The following CFAP36 variants were observed in gnomAD, a reference collection of about 807,000 sequenced individuals.
CFAP36 encodes cilia and flagella associated protein 36, also known as cilia- and flagella-associated protein 36.
In CFAP36, 37 loss-of-function variants were observed where a neutral mutation model predicts 50.5. That is an observed-to-expected ratio of 0.73 (90% confidence interval 0.56 to 0.96). CFAP36 has a LOEUF of 0.96. CFAP36 is among the 50% of genes least tolerant of loss of function. CFAP36 has a pLI of 0.00. For missense variants in CFAP36, 407 were observed against 396.2 expected, an observed-to-expected ratio of 1.03 and a Z score of -0.23; for synonymous variants, 138 against 128.2, an observed-to-expected ratio of 1.08 and a Z score of -0.52.
Position 55,544,229 on chromosome 2 carries a change from G to C in CFAP36, c.787G>C (p.Val263Leu). The change falls in exon 9 of 10, where the codon GTA becomes CTA. Residue 263 changes from valine to leucine, a missense_variant. Coordinates refer to ENST00000349456, the MANE Select transcript of CFAP36 (RefSeq NM_080667.7). Reference protein sequence around the residue: ...SIEGPIANLSVLGTEELRQRE... With the variant: ...SIEGPIANLSLLGTEELRQRE... ...TTCTTACTTGACCCAGAACTTATCA[G>C]TACTTGGAACAGAAGAACTTCGGCA... 6.2e-7 allele frequency: 1 copy of C among 1,613,070 alleles called. No homozygotes were observed. The highest frequency in any genetic ancestry group is 8.5e-7 in the Non-Finnish European group (1 of 1,179,774).
intron 5 of CFAP36, among the ~76,000 whole-genome samples, chr2:55,535,500 A>AT (rs1277736952): frequency 6.6e-6 from 1 of 152,140 alleles, no homozygotes; most frequent in Admixed American, 6.5e-5. Flanking sequence ...GTAGACCTGT[A>AT]TTTTGTGTTA....
chr2:55,526,467 A>ATTTGTTT (rs1558908054), intron 3 of CFAP36, among the ~76,000 whole-genome samples: 1 of 152,022 alleles, frequency 6.6e-6, no homozygotes, highest in African/African-American at 2.4e-5. Flanking sequence ...TTTGAGACAG[A>ATTTGTTT]GTCTTTCTCT....
rs376120501 is a variant in CFAP36 at position 55,528,961 on chromosome 2, G to A, written c.366G>A (p.Leu122=). ...MMVQKNIEMQ[L]QAIRIIQERN... ...TCCAGAAAAACATTGAAATGCAGCT[G>A]CAAGCCATTCGAATAATTCAAGAGA... The change falls in exon 4 of 10, where the codon CTG becomes CTA. Residue 122 remains leucine (L), a synonymous_variant. Coordinates refer to ENST00000349456, the MANE Select transcript of CFAP36 (RefSeq NM_080667.7). The A allele has an allele frequency of 2.2e-5, 35 of 1,609,820 alleles. No individual in the cohort carries two copies. Among genetic ancestry groups the A allele is most frequent in the Non-Finnish European group, 2.5e-5 (30 of 1,178,118 alleles).
chr2:55,530,300 G>C (rs1684322097), intron 4 of CFAP36, among the ~76,000 whole-genome samples: 1 of 152,184 alleles, frequency 6.6e-6, no homozygotes. Flanking sequence ...GGCTTCCCCA[G>C]CCATGTGGAA....
At chr2:55,526,712 G>A (rs1228384290) in intron 3 of CFAP36, among the ~76,000 whole-genome samples, 1 of 152,094 alleles carries the variant, frequency 6.6e-6, no homozygotes, top group African/African-American at 2.4e-5. Context: ...CAAAGCTCTG[G>A]GGTTACAGGT....
chr2:55,535,748 G>A lies in CFAP36; in HGVS notation c.522G>A (p.Arg174=), dbSNP rs778491675. Residue 174 remains arginine, a synonymous_variant, in exon 6 of 10, where the codon AGG becomes AGA. Transcript: ENST00000349456. ...SKEEYDQEEE[R]KRKKQLSEAK... ...AGGAATATGACCAGGAAGAAGAAAG[G>A]AAGAGGAAAAAACAGGTGCCTACAG... 4 of 1,549,992 alleles carry A rather than the reference G, an allele frequency of 2.6e-6. No individual in the cohort carries two copies. Among genetic ancestry groups the A allele is most frequent in the African/African-American group, 1.4e-5 (1 of 70,734 alleles).
intron 7 of CFAP36, among the ~76,000 whole-genome samples, chr2:55,541,346 C>T (rs1484031097): frequency 6.6e-6 from 1 of 152,182 alleles, no homozygotes; most frequent in Non-Finnish European, 1.5e-5. Flanking sequence ...AAATAAAAAC[C>T]ATGGAATATT....
At chr2:55,536,468 T>C (rs1479063137) in intron 6 of CFAP36, among the ~76,000 whole-genome samples, 2 of 151,868 alleles carry the variant, frequency 1.3e-5, no homozygotes, top group Non-Finnish European at 2.9e-5. Context: ...ATTTATTTTT[T>C]TGGAGACAGT....
chr2:55,531,654 A>T (rs1472193421), intron 4 of CFAP36, among the ~76,000 whole-genome samples: 1 of 152,234 alleles, frequency 6.6e-6, no homozygotes, highest in Non-Finnish European at 1.5e-5. Context: ...TCTTATGAAG[A>T]AATGGAATAT....
chr2:55,541,217 G>C (rs933649891), intron 7 of CFAP36, among the ~76,000 whole-genome samples: 1 of 152,056 alleles, frequency 6.6e-6, no homozygotes, highest in African/African-American at 2.4e-5. Context: ...CTAGCTACTC[G>C]GGAGGCTGAG....
At chr2:55,534,948 C>G (rs1040655420) in intron 5 of CFAP36, among the ~76,000 whole-genome samples, 2 of 152,182 alleles carry the variant, frequency 1.3e-5, no homozygotes, top group Admixed American at 1.3e-4. Flanking sequence ...TTTCTTGCCA[C>G]ATCCCTCCTT....
intron 1 of CFAP36, chr2:55,520,312 GC>G (rs2103626820): frequency 9.1e-7 from 1 of 1,103,602 alleles, no homozygotes; most frequent in East Asian, 2.8e-5. Flanking sequence ...GAGAGGAGAA[GC>G]GTCGGTTTAC....
intron 2 of CFAP36, among the ~76,000 whole-genome samples, chr2:55,523,136 C>T (rs1242227883): frequency 1.3e-5 from 2 of 149,532 alleles, no homozygotes; most frequent in Admixed American, 6.7e-5. Context: ...AAAGGCCAGG[C>T]GTGGTGGCTC....
At chr2:55,528,540 T>C (rs1684269265) in intron 3 of CFAP36, among the ~76,000 whole-genome samples, 1 of 152,010 alleles carries the variant, frequency 6.6e-6, no homozygotes, top group Non-Finnish European at 1.5e-5. Flanking sequence ...ACTACAGGTA[T>C]GCACCACCGC....
At chr2:55,537,675 C>T in intron 7 of CFAP36, 90 bp downstream of exon 7, 12 of 826,478 alleles carry the variant, frequency 1.5e-5, no homozygotes, top group South Asian at 5.5e-5. Flanking sequence ...TATTTAACTT[C>T]AAAAGCCCTG....
At chr2:55,542,728 G>C (rs1302135615) in intron 7 of CFAP36, among the ~76,000 whole-genome samples, 2 of 152,186 alleles carry the variant, frequency 1.3e-5, no homozygotes, top group Non-Finnish European at 2.9e-5. Context: ...CCCTCCTCAG[G>C]AATTATTTGA....
chr2:55,520,399 C>T (rs531863679), intron 1 of CFAP36: 3 of 1,537,410 alleles, frequency 2.0e-6, no homozygotes, highest in Non-Finnish European at 8.8e-7. Flanking sequence ...CACTCCAAAC[C>T]AACAGTTAAC....
In CFAP36 at chr2:55,519,777, T is replaced by C. The variant is rs751770746; in HGVS notation, c.-25T>C. On this transcript the variant is annotated 5_prime_UTR_variant, in exon 1 of 10. Coordinates refer to ENST00000349456, the MANE Select transcript of CFAP36 (RefSeq NM_080667.7). ...GGTCCGGCGGTCTGGCCTAGGGATCTTCCCCGTTGCCCCTTTGGGGCGGGA... is the reference window on the plus strand; with the variant it reads ...GGTCCGGCGGTCTGGCCTAGGGATCCTCCCCGTTGCCCCTTTGGGGCGGGA... 1 of 1,613,094 alleles carries C rather than the reference T, an allele frequency of 6.2e-7. No individual in the cohort carries two copies. Among genetic ancestry groups the C allele is most frequent in the Non-Finnish European group, 8.5e-7 (1 of 1,179,040 alleles).
At chr2:55,541,000 G>A (rs1339758631) in intron 7 of CFAP36, among the ~76,000 whole-genome samples, 1 of 151,470 alleles carries the variant, frequency 6.6e-6, no homozygotes, top group African/African-American at 2.4e-5. Flanking sequence ...GTGATAGAGT[G>A]AGACCCTGTC....
Sources: gnomAD v4.1 joint callset for allele counts (sites outside exome capture counted in the v4.1 genomes callset) on GRCh38, gnomAD v4.1.1 for gene constraint, MANE v1.5 for transcripts, NCBI Gene and HGNC (gene_info 2026-07-23, HGNC 2026-07-21) for gene names.